SCLT1: variants seen among roughly 807,000 people sequenced by gnomAD.
SCLT1 encodes the protein sodium channel-associated protein 1.
In SCLT1, 78 loss-of-function variants were observed where a neutral mutation model predicts 112.8. The ratio of observed to expected loss-of-function variants is 0.69; its 90% confidence interval spans 0.58 to 0.83. The LOEUF (loss-of-function observed/expected upper bound fraction) is 0.83. Ranked by LOEUF, SCLT1 falls within the 40% of genes least tolerant of loss-of-function variation. The pLI is 0.00. For missense variants in SCLT1, 747 were observed against 770.4 expected (o/e 0.97, Z 0.36); for synonymous variants, 257 against 254.7 (o/e 1.01, Z -0.09).
chr4:129,014,479 C>T (rs149150026), intron 5 of SCLT1, among the ~76,000 whole-genome samples: 3 of 152,216 alleles, frequency 2.0e-5, no homozygotes, highest in South Asian at 2.1e-4. Flanking sequence ...CCTTTCGAGG[C>T]TTTTGTTCTC....
chr4:128,999,645 C>T (rs2126081929), intron 7 of SCLT1, 27 bp downstream of exon 7: 2 of 1,580,610 alleles, frequency 1.3e-6, no homozygotes, highest in East Asian at 2.3e-5. Context: ...TATTGATATA[C>T]AAGAAAATGA....
chr4:129,026,384 G>T (rs1746080399), intron 5 of SCLT1, among the ~76,000 whole-genome samples: 1 of 151,956 alleles, frequency 6.6e-6, no homozygotes, highest in African/African-American at 2.4e-5. Flanking sequence ...CTAGAACTCA[G>T]GACTAAGAAA....
At chr4:129,026,027 C>T (rs1560981950) in intron 5 of SCLT1, among the ~76,000 whole-genome samples, 1 of 152,200 alleles carries the variant, frequency 6.6e-6, no homozygotes, top group Admixed American at 6.5e-5. Context: ...GCACCGAATA[C>T]AGGAGCACCC....
chr4:129,026,793 T>C (rs1240739033), intron 5 of SCLT1, among the ~76,000 whole-genome samples: 1 of 152,078 alleles, frequency 6.6e-6, no homozygotes, highest in Admixed American at 6.6e-5. Flanking sequence ...ACAAAATTGA[T>C]AGACCGCTAG....
chr4:129,012,696 G>A lies in SCLT1; in HGVS notation c.291-8820C>T, dbSNP rs372607545. On this transcript the variant is annotated intron_variant, in intron 5 of 20. Coordinates refer to ENST00000281142, the MANE Select transcript of SCLT1 (RefSeq NM_144643.4). Reference sequence around the variant, plus strand: ...CTAAAAACTTGCTTTACAAATCTGCGTGCTCCTGTGTTGGGTACATATATA... The same window carrying A: ...CTAAAAACTTGCTTTACAAATCTGCATGCTCCTGTGTTGGGTACATATATA... Among the ~76,000 whole-genome samples, 19 of 151,948 alleles carry A rather than the reference G, an allele frequency of 1.3e-4. No individual in the cohort carries two copies. The East Asian group carries it at 1.6e-3, about 12-fold the overall frequency.
intron 2 of SCLT1, among the ~76,000 whole-genome samples, chr4:129,047,530 T>C (rs1748298694): frequency 6.6e-6 from 1 of 152,038 alleles, no homozygotes; most frequent in Non-Finnish European, 1.5e-5. Context: ...GAAAACAAAA[T>C]AGTTCTAGTT....
At chr4:128,928,441 A>C (rs2125970778) in intron 18 of SCLT1, among the ~76,000 whole-genome samples, 1 of 152,306 alleles carries the variant, frequency 6.6e-6, no homozygotes, top group Middle Eastern at 3.4e-3. Context: ...CAGGAATGAA[A>C]ATTTGGTACA....
intron 18 of SCLT1, 122 bp from the exon 19 acceptor site, chr4:128,891,259 C>T (rs1733292040): frequency 1.4e-6 from 1 of 706,072 alleles, no homozygotes; most frequent in South Asian, 1.8e-5. Context: ...AAAATAAAGT[C>T]ACTTACTAAT....
At chr4:129,082,395 A>G in intron 1 of SCLT1, 22 bp from the exon 2 acceptor site, 2 of 1,467,120 alleles carry the variant, frequency 1.4e-6, no homozygotes, top group Non-Finnish European at 1.9e-6. Flanking sequence ...GGGAAAACAG[A>G]TTTCAGTTCA....
chr4:129,014,236 T>C (rs1424899898), intron 5 of SCLT1, among the ~76,000 whole-genome samples: 1 of 152,208 alleles, frequency 6.6e-6, no homozygotes, highest in Non-Finnish European at 1.5e-5. Flanking sequence ...CTTAGCTTCC[T>C]TGGATGGGTT....
At chr4:128,920,112 C>A (rs1199049921) in intron 18 of SCLT1, among the ~76,000 whole-genome samples, 1 of 152,038 alleles carries the variant, frequency 6.6e-6, no homozygotes, top group African/African-American at 2.4e-5. Flanking sequence ...AACTTCAGGC[C>A]AATATTCCTG....
At chr4:129,029,667 T>A (rs1746512191) in intron 5 of SCLT1, among the ~76,000 whole-genome samples, 1 of 149,130 alleles carries the variant, frequency 6.7e-6, no homozygotes, top group Admixed American at 6.6e-5. Context: ...CCCTAAAACT[T>A]AAAAGTATAA....
At chr4:128,948,431 G>A in intron 15 of SCLT1, 65 bp downstream of exon 15, 1 of 1,561,764 alleles carries the variant, frequency 6.4e-7, no homozygotes, top group Non-Finnish European at 8.6e-7. Context: ...CATGATGGAG[G>A]CAGACAGTAA....
intron 18 of SCLT1, among the ~76,000 whole-genome samples, chr4:128,896,588 A>G (rs1286809769): frequency 2.0e-5 from 3 of 152,216 alleles, no homozygotes; most frequent in Non-Finnish European, 4.4e-5. Context: ...ACAGAGCAGA[A>G]AAACTGGAAA....
chr4:128,898,187 C>T (rs1197886475), intron 18 of SCLT1, among the ~76,000 whole-genome samples: 2 of 152,204 alleles, frequency 1.3e-5, no homozygotes, highest in Admixed American at 6.5e-5. Flanking sequence ...TAGACATCTA[C>T]ACAACTCTCC....
intron 5 of SCLT1, among the ~76,000 whole-genome samples, chr4:129,006,327 C>T (rs571429776): frequency 5.7e-4 from 86 of 152,122 alleles, no homozygotes; most frequent in Middle Eastern, 3.4e-3. Flanking sequence ...ATCACGAGGT[C>T]AGGAGTTCGA....
intron 5 of SCLT1, among the ~76,000 whole-genome samples, chr4:129,032,514 C>T (rs942020648): frequency 6.6e-6 from 1 of 152,056 alleles, no homozygotes; most frequent in African/African-American, 2.4e-5. Context: ...GAAAGAGCTT[C>T]TGCACAGCAA....
At chr4:128,948,407 T>A in intron 15 of SCLT1, 89 bp downstream of exon 15, 1 of 1,437,400 alleles carries the variant, frequency 7.0e-7, no homozygotes, top group Non-Finnish European at 9.2e-7. Context: ...AATAAAGGAA[T>A]TGCTAGTAGA....
intron 17 of SCLT1, among the ~76,000 whole-genome samples, chr4:128,937,253 G>A (rs529944255): frequency 1.4e-5 from 2 of 147,758 alleles, no homozygotes; most frequent in South Asian, 4.3e-4. Context: ...ACTCCAGCCT[G>A]GGTGACAGAG....
Sources: allele counts gnomAD v4.1 joint callset (sites outside exome capture counted in the v4.1 genomes callset), GRCh38; gene constraint gnomAD v4.1.1; transcripts MANE v1.5; gene names NCBI Gene and HGNC (gene_info 2026-07-23, HGNC 2026-07-21).